The following SOX5 variants were observed in gnomAD, a reference collection of about 807,000 sequenced individuals.
SOX5 encodes the protein transcription factor SOX-5.
SOX5 carries 9 observed loss-of-function variants against 92.0 expected under a neutral mutation model. The observed-to-expected ratio is 0.10, with a 90% CI of 0.06 to 0.17. The LOEUF (loss-of-function observed/expected upper bound fraction) is 0.17. Among genes scored for constraint, SOX5 ranks in the 10% least tolerant of loss-of-function variants. The pLI is 1.00. For synonymous variants in SOX5, 344 were observed against 336.3 expected (o/e 1.02, Z -0.25); for missense variants, 642 against 944.5 (o/e 0.68, Z 4.20).
chr12:24,356,985 G>A (rs1954917050), intron 2 of SOX5, among the ~76,000 whole-genome samples: 1 of 152,184 alleles, frequency 6.6e-6, no homozygotes, highest in Non-Finnish European at 1.5e-5. Flanking sequence ...AAAAAAGGCT[G>A]ATCATGACAC....
chr12:24,012,978 T>C (rs1592325753), intron 4 of SOX5, among the ~76,000 whole-genome samples: 1 of 152,282 alleles, frequency 6.6e-6, no homozygotes, highest in East Asian at 1.9e-4. Context: ...GGTGATCACT[T>C]CATTCCCATG....
At chr12:24,058,543 A>G (rs1289532438) in intron 4 of SOX5, among the ~76,000 whole-genome samples, 1 of 152,198 alleles carries the variant, frequency 6.6e-6, no homozygotes, top group African/African-American at 2.4e-5. Context: ...TTTGCTGGTA[A>G]GTTAGCTGAG....
Position 24,562,103 on chromosome 12 carries a change from C to T in SOX5, c.-251+226G>A, listed in dbSNP as rs189382942. Among the ~76,000 whole-genome samples, 1,160 of 152,332 alleles carry T rather than the reference C, an allele frequency of 7.6e-3. 17 individuals are homozygous for T. Among genetic ancestry groups the T allele is most frequent in the African/African-American group, 0.027 (1,122 of 41,576 alleles). The stretch of plus-strand genomic sequence containing the variant: ...CGGGGATGACAGGGCCACTCCGCGC[C>T]TCGGGCCGCCTCCCACCTCTCCGCC... On this transcript the variant is annotated intron_variant, in intron 1 of 4. Coordinates refer to the SOX5 transcript ENST00000446891.
chr12:23,954,295 T>C (rs1430967711), upstream of SOX5, among the ~76,000 whole-genome samples: 1 of 151,972 alleles, frequency 6.6e-6, no homozygotes, highest in Non-Finnish European at 1.5e-5. Context: ...ACTCTTAATA[T>C]TATAATCACA....
At chr12:24,086,850 AAC>A (rs1944052250) in intron 4 of SOX5, among the ~76,000 whole-genome samples, 1 of 152,062 alleles carries the variant, frequency 6.6e-6, no homozygotes, top group Non-Finnish European at 1.5e-5. Context: ...GAGACACAAA[AAC>A]ACAGTCAAAT....
intron 1 of SOX5, among the ~76,000 whole-genome samples, chr12:23,935,408 CCTA>C (rs1942323944): frequency 6.6e-6 from 1 of 151,380 alleles, no homozygotes; most frequent in South Asian, 2.1e-4. Flanking sequence ...AGGCTTTCTG[CCTA>C]CTGAGCTAGC....
chr12:23,630,076 G>A (rs1437932749), intron 8 of SOX5, among the ~76,000 whole-genome samples: 1 of 151,782 alleles, frequency 6.6e-6, no homozygotes, highest in African/African-American at 2.4e-5. Flanking sequence ...GCTTTGAATG[G>A]CTATACAAGA....
At chr12:24,348,973 T>C (rs1319239708) in intron 2 of SOX5, among the ~76,000 whole-genome samples, 1 of 152,232 alleles carries the variant, frequency 6.6e-6, no homozygotes. Flanking sequence ...CATGTGGAAC[T>C]GTGAGTCCAT....
At chr12:23,805,561 TA>T (rs1027404724) in intron 3 of SOX5, among the ~76,000 whole-genome samples, 1 of 151,930 alleles carries the variant, frequency 6.6e-6, no homozygotes, top group Admixed American at 6.6e-5. Context: ...TCCCAACCAT[TA>T]AAAGAAAAAA....
rs368863094 is a variant in SOX5 at position 23,643,011 on chromosome 12, C to A, written c.932-2114G>T. On this transcript the variant is annotated intron_variant, in intron 7 of 14. Transcript: ENST00000451604. ...CTGAGGCAGGAGAATGGCATGAACCCGGGAGGCGGAGCTTGCAGTGAGCCG... is the reference window on the plus strand; with the variant it reads ...CTGAGGCAGGAGAATGGCATGAACCAGGGAGGCGGAGCTTGCAGTGAGCCG... 2.4e-3 allele frequency among the ~76,000 whole-genome samples: 255 copies of A among 106,656 alleles called. 8 individuals carry two copies. The highest frequency in any genetic ancestry group is 6.5e-3 in the African/African-American group (220 of 33,896). 70.0% of individuals were successfully genotyped at this position (106,656 alleles called of 152,430 possible).
chr12:24,342,639 TG>T, intron 2 of SOX5, among the ~76,000 whole-genome samples: 1 of 152,216 alleles, frequency 6.6e-6, no homozygotes. Context: ...CTATTCCTCC[TG>T]CCATTGCCTT....
chr12:24,518,073 C>CT lies in SOX5; in HGVS notation c.-251+44255dup, dbSNP rs59086253. Among the ~76,000 whole-genome samples, 943 of 146,122 alleles carry CT rather than the reference C, an allele frequency of 6.5e-3. 7 individuals are homozygous for CT. The highest frequency in any genetic ancestry group is 0.02 in the African/African-American group (789 of 39,378). On this transcript the variant is annotated intron_variant, in intron 1 of 4. Transcript: ENST00000446891. ...TCAAAAATTTTATTAACACTTTAGA[C>CT]TTTTTTTTTTTTTGAGGCAGGGTCT...
chr12:23,938,856 T>A (rs1383342530), intron 1 of SOX5, among the ~76,000 whole-genome samples: 1 of 150,982 alleles, frequency 6.6e-6, no homozygotes, highest in African/African-American at 2.4e-5. Flanking sequence ...AACTAAAATA[T>A]AAGTAAACCA....
chr12:24,169,425 T>C (rs1649214455), intron 4 of SOX5, among the ~76,000 whole-genome samples: 2 of 152,202 alleles, frequency 1.3e-5, no homozygotes, highest in South Asian at 2.1e-4. Flanking sequence ...CAAGCTGTTA[T>C]ATAGTAAATT....
chr12:24,158,784 C>T (rs533113080), intron 4 of SOX5, among the ~76,000 whole-genome samples: 124 of 152,004 alleles, frequency 8.2e-4, no homozygotes, highest in African/African-American at 2.9e-3. Context: ...TTGCTCTCTA[C>T]TAACTTAGGT....
chr12:23,653,786 C>T (rs1350769054), intron 7 of SOX5, among the ~76,000 whole-genome samples: 1 of 152,068 alleles, frequency 6.6e-6, no homozygotes, highest in Non-Finnish European at 1.5e-5. Flanking sequence ...GTGAGGATTT[C>T]AGCATATGAA....
intron 4 of SOX5, among the ~76,000 whole-genome samples, chr12:24,088,288 GT>G (rs767039595): frequency 7.9e-5 from 12 of 152,030 alleles, no homozygotes; most frequent in Non-Finnish European, 1.2e-4. Flanking sequence ...CCTTACCCCT[GT>G]AATTATAAGC....
intron 2 of SOX5, among the ~76,000 whole-genome samples, chr12:24,322,560 T>A (rs1452950093): frequency 1.3e-5 from 2 of 152,144 alleles, no homozygotes; most frequent in East Asian, 3.9e-4. Context: ...TGACCTAAAT[T>A]TTCTTTCCTC....
chr12:24,542,187 G>A (rs117033800), intron 1 of SOX5, among the ~76,000 whole-genome samples: 2,596 of 152,124 alleles, frequency 0.017, 29 homozygotes, highest in Non-Finnish European at 0.028. Context: ...TCTTTTCTGT[G>A]CCCTGGCCAC....
Sources: gnomAD v4.1 joint callset for allele counts (sites outside exome capture counted in the v4.1 genomes callset) on GRCh38, gnomAD v4.1.1 for gene constraint, MANE v1.5 for transcripts, NCBI Gene and HGNC (gene_info 2026-07-23, HGNC 2026-07-21) for gene names.